Variants in DGKG observed in about 807,000 individuals in gnomAD.
DGKG encodes DAG kinase gamma.
DGKG carries 78 observed loss-of-function variants against 105.3 expected under a neutral mutation model. The observed-to-expected ratio is 0.74, with a 90% CI of 0.62 to 0.89. DGKG has a LOEUF of 0.89. Ranked by LOEUF, DGKG falls within the 40% of genes least tolerant of loss-of-function variation. The pLI, the probability that DGKG is intolerant of heterozygous loss-of-function variation, is 0.00. For synonymous variants in DGKG, 346 were observed against 367.1 expected (o/e 0.94, Z 0.66); for missense variants, 958 against 1,020.1 (o/e 0.94, Z 0.83).
chr3:186,348,375 T>C (rs1726446841), intron 1 of DGKG, among the ~76,000 whole-genome samples: 1 of 150,422 alleles, frequency 6.6e-6, no homozygotes, highest in Non-Finnish European at 1.5e-5. Context: ...TGCTTTTTTT[T>C]TTTTTTTTTT....
chr3:186,217,335 A>G (rs1412588968), intron 20 of DGKG, among the ~76,000 whole-genome samples: 1 of 151,990 alleles, frequency 6.6e-6, no homozygotes, highest in Non-Finnish European at 1.5e-5. Flanking sequence ...AGCTGTTCTG[A>G]GGCTGATTTC....
intron 1 of DGKG, among the ~76,000 whole-genome samples, chr3:186,357,581 T>C (rs1029308381): frequency 2.0e-5 from 3 of 152,230 alleles, no homozygotes; most frequent in Admixed American, 1.3e-4. Flanking sequence ...AGTGTAGTGA[T>C]GTGAATATCA....
intron 1 of DGKG, among the ~76,000 whole-genome samples, chr3:186,335,707 T>TA (rs1310698510): frequency 3.3e-5 from 5 of 152,296 alleles, no homozygotes; most frequent in African/African-American, 1.2e-4. Flanking sequence ...CCAATAGCCT[T>TA]AAAATGTACA....
intron 21 of DGKG, chr3:186,207,578 C>T: frequency 1.3e-6 from 1 of 753,258 alleles, no homozygotes; most frequent in Non-Finnish European, 1.6e-6. Flanking sequence ...CTAATAATGG[C>T]CTTGGGAGGT....
chr3:186,316,736 A>G (rs1724836229), intron 2 of DGKG, among the ~76,000 whole-genome samples: 1 of 152,216 alleles, frequency 6.6e-6, no homozygotes, highest in African/African-American at 2.4e-5. Context: ...ATATAAATGG[A>G]AAACAACAAG....
intron 1 of DGKG, among the ~76,000 whole-genome samples, chr3:186,339,026 T>A (rs1725964722): frequency 6.6e-6 from 1 of 152,192 alleles, no homozygotes; most frequent in South Asian, 2.1e-4. Context: ...AATAAATGAA[T>A]CACCTTCACC....
chr3:186,334,448 C>T (rs897096337), intron 1 of DGKG, among the ~76,000 whole-genome samples: 2 of 152,170 alleles, frequency 1.3e-5, no homozygotes, highest in Non-Finnish European at 2.9e-5. Context: ...CTCCACCAAC[C>T]AGCAGTGTCC....
chr3:186,174,583 C>A (rs983385832), intron 22 of DGKG, among the ~76,000 whole-genome samples: 2 of 151,106 alleles, frequency 1.3e-5, no homozygotes, highest in African/African-American at 4.9e-5. Flanking sequence ...CCTTTTTTTT[C>A]TTTTTACTCC....
chr3:186,296,440 A>G (rs1197466838), intron 5 of DGKG, among the ~76,000 whole-genome samples: 1 of 152,220 alleles, frequency 6.6e-6, no homozygotes, highest in Non-Finnish European at 1.5e-5. Flanking sequence ...GAATATGAGA[A>G]CAGAAATTAA....
chr3:186,237,975 CT>C (rs2108547291), intron 20 of DGKG, among the ~76,000 whole-genome samples: 1 of 152,248 alleles, frequency 6.6e-6, no homozygotes, highest in East Asian at 1.9e-4. Context: ...TCAGGTTCCC[CT>C]TTAACACTAT....
At chr3:186,308,643 T>C (rs970676966) in intron 2 of DGKG, among the ~76,000 whole-genome samples, 10 of 152,124 alleles carry the variant, frequency 6.6e-5, no homozygotes, top group Admixed American at 4.6e-4. Context: ...AACAGGAAAA[T>C]GCTTCTGTTG....
intron 5 of DGKG, among the ~76,000 whole-genome samples, chr3:186,293,635 T>G (rs1723411627): frequency 2.0e-5 from 3 of 152,198 alleles, no homozygotes; most frequent in Non-Finnish European, 4.4e-5. Flanking sequence ...CTTCTGTCTT[T>G]ATGGCTCTGG....
chr3:186,195,674 G>A (rs1228256528), intron 21 of DGKG, among the ~76,000 whole-genome samples: 4 of 152,320 alleles, frequency 2.6e-5, no homozygotes, highest in Middle Eastern at 6.8e-3. Context: ...TGATGCTGAT[G>A]TTGCAGGTCC....
chr3:186,348,703 G>A (rs1363527005), intron 1 of DGKG, among the ~76,000 whole-genome samples: 2 of 151,870 alleles, frequency 1.3e-5, no homozygotes, highest in Non-Finnish European at 2.9e-5. Flanking sequence ...TGCCTGCCTT[G>A]GCCTCCCCAA....
At chr3:186,260,881 C>G (rs967179727) in intron 15 of DGKG, among the ~76,000 whole-genome samples, 1 of 152,262 alleles carries the variant, frequency 6.6e-6, no homozygotes, top group Non-Finnish European at 1.5e-5. Flanking sequence ...CAGTGTGATT[C>G]TGCCCTCTGC....
rs145285447 is a variant in DGKG, at chr3:186,321,474, T to C, written c.-248-767A>G. 2.4e-4 allele frequency among the ~76,000 whole-genome samples: 37 copies of C among 152,350 alleles called. 1 individual carries two copies. In the East Asian group the frequency reaches 7.1e-3, roughly 29 times the overall value. On this transcript the variant is annotated intron_variant, in intron 1 of 24. Transcript: ENST00000265022. The stretch of plus-strand genomic sequence containing the variant: ...TATACACCCATGGTTATACTGATCA[T>C]ATTGTGAAGTGTCTTTCTTATTCTC...
intron 1 of DGKG, among the ~76,000 whole-genome samples, chr3:186,335,407 G>C (rs1179258707): frequency 6.6e-6 from 1 of 152,092 alleles, no homozygotes; most frequent in East Asian, 1.9e-4. Context: ...TAATATTTAA[G>C]CTCTTTTTAA....
chr3:186,315,301 C>T (rs1724762864), intron 2 of DGKG, among the ~76,000 whole-genome samples: 1 of 152,166 alleles, frequency 6.6e-6, no homozygotes, highest in African/African-American at 2.4e-5. Context: ...CTAGGGCTAC[C>T]TCTTGAAGCC....
At chr3:186,265,350 C>G (rs780416343) in intron 13 of DGKG, 44 bp from the exon 14 acceptor site, 8 of 1,574,568 alleles carry the variant, frequency 5.1e-6, no homozygotes, top group Admixed American at 1.7e-5. Context: ...GAAAAAGAAG[C>G]CTAACACAAA....
Sources: allele counts gnomAD v4.1 joint callset (sites outside exome capture counted in the v4.1 genomes callset), GRCh38; gene constraint gnomAD v4.1.1; transcripts MANE v1.5; gene names NCBI Gene and HGNC (gene_info 2026-07-23, HGNC 2026-07-21).